Variants in CEP170 observed in about 807,000 individuals in gnomAD.
CEP170 encodes the protein centrosomal protein of 170 kDa.
A neutral mutation model predicts 151.9 loss-of-function variants in CEP170; 21 were observed. The ratio of observed to expected loss-of-function variants is 0.14; its 90% CI spans 0.10 to 0.20. CEP170 has a LOEUF of 0.20. CEP170 is among the 10% of genes least tolerant of loss of function. The probability of loss-of-function intolerance (pLI) is 1.00; values close to 1 mark genes in which losing one functional copy is unlikely to be tolerated. For missense variants in CEP170, 964 were observed against 1,892.9 expected, an observed-to-expected ratio of 0.51 and a Z score of 9.11; for synonymous variants, 356 against 648.8, an observed-to-expected ratio of 0.55 and a Z score of 6.86.
chr1:243,158,806 C>T (rs1441105147), intron 13 of CEP170, among the ~76,000 whole-genome samples: 1 of 152,136 alleles, frequency 6.6e-6, no homozygotes. Context: ...GGCTAACTAA[C>T]GCCTGTAATC....
At chr1:243,192,432 C>T (rs947356933) in intron 7 of CEP170, among the ~76,000 whole-genome samples, 26 of 152,080 alleles carry the variant, frequency 1.7e-4, no homozygotes, top group Non-Finnish European at 3.5e-4. Context: ...AAAACGTTTT[C>T]GGTACGCAAA....
intron 8 of CEP170, among the ~76,000 whole-genome samples, chr1:243,189,614 ATGAC>A (rs2060179234): frequency 1.3e-5 from 2 of 152,050 alleles, no homozygotes; most frequent in Admixed American, 1.3e-4. Context: ...AATAGTTATA[ATGAC>A]TAAGTTATAA....
intron 18 of CEP170, chr1:243,128,572 A>AT (rs975619855): frequency 0.023 from 6,554 of 281,640 alleles, no homozygotes; most frequent in South Asian, 0.04. Flanking sequence ...TTAAGCAAAG[A>AT]TTTTTTTTTT....
intron 4 of CEP170, among the ~76,000 whole-genome samples, chr1:243,206,547 G>T (rs1245609208): frequency 3.3e-5 from 5 of 152,212 alleles, no homozygotes; most frequent in African/African-American, 1.2e-4. Context: ...CCATCAGGTA[G>T]AAACAAACTG....
intron 14 of CEP170, among the ~76,000 whole-genome samples, chr1:243,145,865 A>C (rs1231851817): frequency 6.6e-6 from 1 of 152,218 alleles, no homozygotes; most frequent in Non-Finnish European, 1.5e-5. Flanking sequence ...GAAGTGTTAA[A>C]ATGTAAAATG....
rs2058086518 is a variant in CEP170 at position 243,161,766 on chromosome 1, T to C, written c.3676+2518A>G. 3.3e-5 allele frequency among the ~76,000 whole-genome samples: 5 copies of C among 152,222 alleles called. No homozygotes were observed. In the South Asian group the frequency reaches 1.0e-3, roughly 31 times the overall value. ...TTTCCAAGGTCTTTAAAGTTTATACTGTGCACAGCAACACTGATCGGCATG... is the reference window on the plus strand; with the variant it reads ...TTTCCAAGGTCTTTAAAGTTTATACCGTGCACAGCAACACTGATCGGCATG... On this transcript the variant is annotated intron_variant, in intron 13 of 19. Coordinates refer to ENST00000366542, the MANE Select transcript of CEP170 (RefSeq NM_014812.3).
At chr1:243,224,409 T>G (rs2063063683) in intron 2 of CEP170, among the ~76,000 whole-genome samples, 1 of 151,888 alleles carries the variant, frequency 6.6e-6, no homozygotes, top group Admixed American at 6.6e-5. Flanking sequence ...AGAAGAATTG[T>G]CTTGGGTCAC....
intron 7 of CEP170, among the ~76,000 whole-genome samples, chr1:243,191,704 G>A (rs1199510065): frequency 6.6e-6 from 1 of 152,052 alleles, no homozygotes; most frequent in Non-Finnish European, 1.5e-5. Context: ...AATAGGGGAT[G>A]GAAGATAAGC....
At chr1:243,174,475 T>C (rs1179601302) in intron 10 of CEP170, among the ~76,000 whole-genome samples, 1 of 152,062 alleles carries the variant, frequency 6.6e-6, no homozygotes, top group African/African-American at 2.4e-5. Flanking sequence ...AATGGTCTTA[T>C]AGTACAGCTA....
chr1:243,141,920 T>A (rs932931322), intron 15 of CEP170, among the ~76,000 whole-genome samples: 7 of 152,222 alleles, frequency 4.6e-5, no homozygotes, highest in African/African-American at 1.7e-4. Flanking sequence ...TATCAGAGTA[T>A]CTTCTAGTTA....
intron 1 of CEP170, chr1:243,254,383 A>G (rs1045977624): frequency 8.5e-5 from 13 of 152,136 alleles, no homozygotes; most frequent in African/African-American, 3.1e-4. Flanking sequence ...AGGACAATGA[A>G]GCCGACAGGA....
intron 3 of CEP170, among the ~76,000 whole-genome samples, chr1:243,212,588 A>C (rs926866055): frequency 1.3e-5 from 2 of 152,186 alleles, no homozygotes; most frequent in Non-Finnish European, 2.9e-5. Context: ...ATTATTCCAA[A>C]CAACGCTAAA....
intron 11 of CEP170, among the ~76,000 whole-genome samples, chr1:243,170,378 C>T (rs546030761): frequency 5.3e-5 from 8 of 151,164 alleles, no homozygotes; most frequent in South Asian, 2.1e-4. Flanking sequence ...AGCGAGACTT[C>T]GTCTCAAAAA....
intron 12 of CEP170, chr1:243,169,410 A>G (rs2058671061): frequency 1.4e-6 from 1 of 727,346 alleles, no homozygotes; most frequent in Admixed American, 3.3e-5. Flanking sequence ...AATAAAAATC[A>G]GCCTTTTACT....
chr1:243,156,539 A>G, intron 13 of CEP170, 84 bp from the exon 14 acceptor site: 1 of 1,312,424 alleles, frequency 7.6e-7, no homozygotes, highest in Non-Finnish European at 1.0e-6. Context: ...TCAAAACACC[A>G]TGAGAGCGCA....
chr1:243,227,835 T>G (rs2063426827), intron 1 of CEP170, among the ~76,000 whole-genome samples: 1 of 152,238 alleles, frequency 6.6e-6, no homozygotes, highest in Non-Finnish European at 1.5e-5. Flanking sequence ...GCCTTTGGAC[T>G]GAGAGCTTTG....
chr1:243,140,663 T>C (rs1349359320), intron 15 of CEP170: 1 of 152,282 alleles, frequency 6.6e-6, no homozygotes, highest in Non-Finnish European at 1.5e-5. Flanking sequence ...AAGTTACACA[T>C]TCTAATAGAA....
intron 1 of CEP170, among the ~76,000 whole-genome samples, chr1:243,239,531 A>G (rs1000656339): frequency 2.0e-5 from 3 of 152,226 alleles, no homozygotes; most frequent in Non-Finnish European, 4.4e-5. Context: ...AGTTCAAGAT[A>G]GAATTCAAAC....
chr1:243,148,924 T>A (rs902307995), intron 14 of CEP170, among the ~76,000 whole-genome samples: 2 of 151,872 alleles, frequency 1.3e-5, no homozygotes, highest in Non-Finnish European at 2.9e-5. Context: ...TGGGAAAGAG[T>A]TACACTGAGC....
Sources: allele counts gnomAD v4.1 joint callset (sites outside exome capture counted in the v4.1 genomes callset), GRCh38; gene constraint gnomAD v4.1.1; transcripts MANE v1.5; gene names NCBI Gene and HGNC (gene_info 2026-07-23, HGNC 2026-07-21).